The following SERPINA12 variants were observed in gnomAD, a reference collection of about 807,000 sequenced individuals.
SERPINA12 encodes the protein serpin A12.
Under a neutral mutation model 25.9 loss-of-function variants are expected in SERPINA12, and 21 were observed. The ratio of observed to expected loss-of-function variants is 0.81; its 90% CI spans 0.58 to 1.17. The LOEUF (loss-of-function observed/expected upper bound fraction) is 1.17. SERPINA12 is among the 50% of genes most tolerant of loss of function. The probability of loss-of-function intolerance (pLI) is 0.00; values close to 1 mark genes in which losing one functional copy is unlikely to be tolerated. For missense variants in SERPINA12, 562 were observed against 508.3 expected, an observed-to-expected ratio of 1.11 and a Z score of -1.02; for synonymous variants, 220 against 196.0, an observed-to-expected ratio of 1.12 and a Z score of -1.02.
At chr14:94,490,230 G>A (rs556513782) in intron 3 of SERPINA12, among the ~76,000 whole-genome samples, 4 of 152,302 alleles carry the variant, frequency 2.6e-5, no homozygotes, top group East Asian at 1.9e-4. Flanking sequence ...TAAGTCACTT[G>A]TGTGAGAAGG....
chr14:94,514,968 C>T (rs761846432), intron 2 of SERPINA12, among the ~76,000 whole-genome samples: 4 of 152,172 alleles, frequency 2.6e-5, no homozygotes, highest in Non-Finnish European at 5.9e-5. Flanking sequence ...AGGAAACCCA[C>T]GGTGGCCGGA....
At chr14:94,510,792 A>C (rs1431517149), upstream of SERPINA12, among the ~76,000 whole-genome samples, 1 of 152,258 alleles carries the variant, frequency 6.6e-6, no homozygotes, top group Middle Eastern at 3.2e-3. Context: ...TGTCCTTTAC[A>C]GCAATTTGGA....
chr14:94,491,927 C>G (rs1900193854), intron 3 of SERPINA12, among the ~76,000 whole-genome samples: 2 of 152,122 alleles, frequency 1.3e-5, no homozygotes, highest in African/African-American at 4.8e-5. Flanking sequence ...GTGTTTAAAG[C>G]TCTTAGCCTG....
intron 3 of SERPINA12, among the ~76,000 whole-genome samples, chr14:94,494,128 T>A (rs1296887645): frequency 6.6e-6 from 1 of 152,224 alleles, no homozygotes; most frequent in African/African-American, 2.4e-5. Flanking sequence ...CTGGAGTCCA[T>A]GTCTCACAAA....
intron 1 of SERPINA12, among the ~76,000 whole-genome samples, chr14:94,500,335 TCTC>T (rs1017490413): frequency 5.2e-4 from 79 of 152,178 alleles, no homozygotes; most frequent in African/African-American, 1.9e-3. Flanking sequence ...CTTATCCTCT[TCTC>T]CTCATCTTCT....
intron 4 of SERPINA12, among the ~76,000 whole-genome samples, chr14:94,487,707 G>A (rs1899963276): frequency 6.6e-6 from 1 of 152,150 alleles, no homozygotes; most frequent in African/African-American, 2.4e-5. Context: ...GATGGTGCAG[G>A]GGGAGCATCA....
chr14:94,500,488 G>T (rs1298210855), intron 1 of SERPINA12, among the ~76,000 whole-genome samples: 3 of 152,160 alleles, frequency 2.0e-5, no homozygotes, highest in Non-Finnish European at 4.4e-5. Context: ...GTTGGTTCAG[G>T]AGCCAGACCT....
chr14:94,514,548 G>T (rs1309398962), intron 2 of SERPINA12, among the ~76,000 whole-genome samples: 1 of 152,246 alleles, frequency 6.6e-6, no homozygotes, highest in Non-Finnish European at 1.5e-5. Flanking sequence ...TGGGGACCTG[G>T]GTGGGCCCTT....
Position 94,496,565 on chromosome 14 carries a change from A to G in SERPINA12, c.713T>C (p.Val238Ala). Reference sequence around the variant, plus strand: ...TATGCCACTACGGAACATCATGGGCACCTTGACTGAACTGTTTTTCTCCAG... The same window carrying G: ...TATGCCACTACGGAACATCATGGGCGCCTTGACTGAACTGTTTTTCTCCAG... ...FFLEKNSSVK[V>A]PMMFRSGIYQ... Residue 238 changes from valine to alanine, a missense_variant, in exon 3 of 5, where the codon GTG becomes GCG. Coordinates refer to ENST00000677451, the MANE Select transcript of SERPINA12 (RefSeq NM_001382267.1). The G allele has an allele frequency of 1.2e-6, 2 of 1,614,046 alleles. No individual in the cohort carries two copies. Among genetic ancestry groups the G allele is most frequent in the Non-Finnish European group, 8.5e-7 (1 of 1,179,930 alleles).
chr14:94,509,440 C>T lies in SERPINA12; in HGVS notation c.-132G>A, dbSNP rs1196537511. On this transcript the variant is annotated 5_prime_UTR_variant, in exon 1 of 5. Coordinates refer to ENST00000677451, the MANE Select transcript of SERPINA12 (RefSeq NM_001382267.1). ...CTCCTAGTCCTTTTTCGGTCCTGGT[C>T]CTGCAGCCTTCAGGTTCCAGGTATG... 1.3e-5 allele frequency among the ~76,000 whole-genome samples: 2 copies of T among 152,140 alleles called. No individual in the cohort carries two copies. The highest frequency in any genetic ancestry group is 4.8e-5 in the African/African-American group (2 of 41,426).
At chr14:94,502,897 C>A (rs953764987) in intron 1 of SERPINA12, among the ~76,000 whole-genome samples, 1 of 152,206 alleles carries the variant, frequency 6.6e-6, no homozygotes, top group Non-Finnish European at 1.5e-5. Context: ...GCCCCAGGAA[C>A]CCCAGGCCCT....
intron 1 of SERPINA12, among the ~76,000 whole-genome samples, chr14:94,508,221 G>T (rs1757704488): frequency 6.6e-6 from 1 of 152,358 alleles, no homozygotes; most frequent in Non-Finnish European, 1.5e-5. Context: ...TCCAATTGGG[G>T]AGCTTAATCA....
chr14:94,514,511 G>T (rs1481736883), intron 2 of SERPINA12, among the ~76,000 whole-genome samples: 1 of 152,240 alleles, frequency 6.6e-6, no homozygotes, highest in Non-Finnish European at 1.5e-5. Flanking sequence ...GCAAGAAGTG[G>T]GCAAACTGAG....
intron 3 of SERPINA12, among the ~76,000 whole-genome samples, chr14:94,494,850 A>G (rs1343405314): frequency 6.6e-6 from 1 of 152,182 alleles, no homozygotes; most frequent in African/African-American, 2.4e-5. Flanking sequence ...TGAGAAGACC[A>G]GGTCTCAGCT....
chr14:94,513,109 T>G (rs1448288773), upstream of SERPINA12, among the ~76,000 whole-genome samples: 2 of 152,208 alleles, frequency 1.3e-5, no homozygotes, highest in Non-Finnish European at 2.9e-5. Context: ...AAGTTTCCCT[T>G]CAGTCATCCA....
chr14:94,493,146 G>A (rs960215396), intron 3 of SERPINA12, among the ~76,000 whole-genome samples: 2 of 152,168 alleles, frequency 1.3e-5, no homozygotes, highest in South Asian at 2.1e-4. Flanking sequence ...CTCCCATAGC[G>A]GGCCACTGAG....
At chr14:94,511,330 C>T (rs1227304210), upstream of SERPINA12, 1 of 847,806 alleles carries the variant, frequency 1.2e-6, no homozygotes, top group Admixed American at 6.2e-5. Flanking sequence ...GATGAGAAAG[C>T]TGAGGTTTGG....
At chr14:94,505,423 A>G (rs760873679) in intron 1 of SERPINA12, among the ~76,000 whole-genome samples, 1 of 152,204 alleles carries the variant, frequency 6.6e-6, no homozygotes, top group Non-Finnish European at 1.5e-5. Flanking sequence ...CCAGGCAGCA[A>G]GGCCTGCCTG....
upstream of SERPINA12, among the ~76,000 whole-genome samples, chr14:94,513,510 G>T (rs1252094827): frequency 6.6e-6 from 1 of 152,158 alleles, no homozygotes; most frequent in Non-Finnish European, 1.5e-5. Context: ...CCCTCCTCAA[G>T]TTACTTCATC....
Sources: gnomAD v4.1 joint callset for allele counts (sites outside exome capture counted in the v4.1 genomes callset) on GRCh38, gnomAD v4.1.1 for gene constraint, MANE v1.5 for transcripts, NCBI Gene and HGNC (gene_info 2026-07-23, HGNC 2026-07-21) for gene names.